The following SLX4IP variants were observed in gnomAD, a reference collection of about 807,000 sequenced individuals.
The protein encoded by SLX4IP is protein SLX4IP.
A neutral mutation model predicts 32.9 loss-of-function variants in SLX4IP; 34 were observed. The observed-to-expected ratio is 1.03, with a 90% CI of 0.79 to 1.38. SLX4IP has a LOEUF of 1.38. Among genes scored for constraint, SLX4IP ranks in the 40% most tolerant of loss-of-function variants. SLX4IP has a pLI of 0.00. For synonymous variants in SLX4IP, 172 were observed against 171.7 expected, an observed-to-expected ratio of 1.00 and a Z score of -0.01; for missense variants, 444 against 479.0, an observed-to-expected ratio of 0.93 and a Z score of 0.68.
chr20:10,484,329 G>T (rs1413546694), intron 2 of SLX4IP, among the ~76,000 whole-genome samples: 1 of 152,146 alleles, frequency 6.6e-6, no homozygotes, highest in Non-Finnish European at 1.5e-5. Context: ...TACATTGTCA[G>T]TGAAGGAATT....
intron 2 of SLX4IP, among the ~76,000 whole-genome samples, chr20:10,470,955 A>G (rs2065419743): frequency 6.6e-6 from 1 of 152,198 alleles, no homozygotes. Flanking sequence ...TGAAAACTGG[A>G]TGACTTTGGG....
chr20:10,566,579 G>A (rs2066397736), intron 4 of SLX4IP, among the ~76,000 whole-genome samples: 1 of 152,220 alleles, frequency 6.6e-6, no homozygotes. Flanking sequence ...GGCCAAGGTA[G>A]CACATGTTCT....
chr20:10,514,513 G>C (rs533050268), intron 2 of SLX4IP, among the ~76,000 whole-genome samples: 51 of 152,324 alleles, frequency 3.3e-4, no homozygotes, highest in African/African-American at 1.2e-3. Context: ...TTATGCTGAA[G>C]TTAAAGTTCT....
chr20:10,501,780 C>T (rs919690424), intron 2 of SLX4IP, among the ~76,000 whole-genome samples: 3 of 152,176 alleles, frequency 2.0e-5, no homozygotes, highest in Non-Finnish European at 4.4e-5. Flanking sequence ...AAGAAAAGTT[C>T]GTGTCAAAAT....
chr20:10,466,667 C>T (rs887228930), intron 2 of SLX4IP, among the ~76,000 whole-genome samples: 25 of 152,112 alleles, frequency 1.6e-4, no homozygotes, highest in African/African-American at 5.8e-4. Context: ...TAATGATCCC[C>T]TCCTCTTTCT....
intron 4 of SLX4IP, among the ~76,000 whole-genome samples, chr20:10,572,988 C>G (rs1372548315): frequency 2.6e-5 from 4 of 152,202 alleles, no homozygotes; most frequent in Non-Finnish European, 5.9e-5. Context: ...ATTGCCAAAA[C>G]AAGCAAATTT....
At chr20:10,541,151 C>A (rs2066101551) in intron 2 of SLX4IP, among the ~76,000 whole-genome samples, 1 of 152,176 alleles carries the variant, frequency 6.6e-6, no homozygotes, top group African/African-American at 2.4e-5. Context: ...CTTTACTTGT[C>A]AGTAACAGTT....
At position 10,560,695 on chromosome 20, in the gene SLX4IP, T is replaced by G; in HGVS notation, c.118-5T>G. ...AGGTTATATCTAATTTTTTATTTGC[T>G]TTAGGAAGTCTGTTTACTGTTAAAA... is the stretch of plus-strand genomic sequence containing the variant. On this transcript the variant is annotated splice_polypyrimidine_tract_variant and splice_region_variant and intron_variant, in intron 3 of 7. Coordinates refer to ENST00000334534, the MANE Select transcript of SLX4IP (RefSeq NM_001009608.3). 1 of 1,568,648 alleles carries G rather than the reference T, an allele frequency of 6.4e-7. No homozygotes were observed. Among genetic ancestry groups the G allele is most frequent in the Non-Finnish European group, 8.6e-7 (1 of 1,160,028 alleles).
intron 2 of SLX4IP, among the ~76,000 whole-genome samples, chr20:10,491,071 TA>T (rs76179946): frequency 0.01 from 1,554 of 150,778 alleles, 14 homozygotes; most frequent in Non-Finnish European, 0.016. Context: ...GGCTCCACTT[TA>T]AAAAAAAACA....
intron 7 of SLX4IP, 52 bp downstream of exon 7, chr20:10,621,466 A>G: frequency 6.7e-7 from 1 of 1,501,788 alleles, no homozygotes; most frequent in East Asian, 2.3e-5. Context: ...CTATGTATGG[A>G]TAGATAACAT....
intron 2 of SLX4IP, among the ~76,000 whole-genome samples, chr20:10,537,410 G>A (rs75879775): frequency 0.017 from 2,592 of 152,274 alleles, 55 homozygotes; most frequent in African/African-American, 0.048. Flanking sequence ...AATGGAACCC[G>A]TAATGAATAC....
intron 2 of SLX4IP, among the ~76,000 whole-genome samples, chr20:10,501,488 A>G (rs961010530): frequency 3.9e-5 from 6 of 152,232 alleles, no homozygotes; most frequent in African/African-American, 1.2e-4. Flanking sequence ...GCTGGGGCCC[A>G]GCAATAAAGT....
intron 2 of SLX4IP, among the ~76,000 whole-genome samples, chr20:10,473,828 T>C (rs2065449162): frequency 6.6e-6 from 1 of 151,548 alleles, no homozygotes; most frequent in South Asian, 2.1e-4. Flanking sequence ...CTGGTTGGTC[T>C]TCTTTTTTTT....
At chr20:10,472,178 G>A (rs1180119311) in intron 2 of SLX4IP, among the ~76,000 whole-genome samples, 1 of 150,396 alleles carries the variant, frequency 6.6e-6, no homozygotes, top group East Asian at 1.9e-4. Context: ...TAAATGAGAT[G>A]TTGAATTAGG....
At chr20:10,531,619 A>G (rs1037877083) in intron 2 of SLX4IP, among the ~76,000 whole-genome samples, 7 of 152,236 alleles carry the variant, frequency 4.6e-5, no homozygotes, top group Non-Finnish European at 7.3e-5. Context: ...GGTTAGACAG[A>G]CACTGCACAA....
intron 4 of SLX4IP, among the ~76,000 whole-genome samples, chr20:10,562,650 G>A (rs1455795360): frequency 6.6e-6 from 1 of 152,168 alleles, no homozygotes; most frequent in Non-Finnish European, 1.5e-5. Context: ...CAAGGGTGGA[G>A]CCCTCACCAG....
At chr20:10,601,474 G>A (rs1158744617) in intron 5 of SLX4IP, among the ~76,000 whole-genome samples, 1 of 152,176 alleles carries the variant, frequency 6.6e-6, no homozygotes, top group Non-Finnish European at 1.5e-5. Flanking sequence ...CAGAGGTTCT[G>A]CCTGGGGGTT....
intron 6 of SLX4IP, among the ~76,000 whole-genome samples, chr20:10,611,659 C>G (rs2066968225): frequency 1.3e-5 from 2 of 152,158 alleles, no homozygotes; most frequent in South Asian, 4.1e-4. Context: ...GAAACAAGGT[C>G]TCTTGAAATG....
At chr20:10,546,444 A>C (rs2066163151) in intron 2 of SLX4IP, among the ~76,000 whole-genome samples, 2 of 152,232 alleles carry the variant, frequency 1.3e-5, no homozygotes, top group Admixed American at 1.3e-4. Context: ...GAATAGGTGG[A>C]AACCTCTGCC....
Sources: gnomAD v4.1 joint callset for allele counts (sites outside exome capture counted in the v4.1 genomes callset) on GRCh38, gnomAD v4.1.1 for gene constraint, MANE v1.5 for transcripts, NCBI Gene and HGNC (gene_info 2026-07-23, HGNC 2026-07-21) for gene names.